PDZRN4: variants seen among roughly 807,000 people sequenced by gnomAD.
The protein encoded by PDZRN4 is PDZ domain-containing RING finger protein 4.
PDZRN4 carries 70 observed loss-of-function variants against 99.0 expected under a neutral mutation model. The ratio of observed to expected loss-of-function variants is 0.71; its 90% CI spans 0.58 to 0.86. PDZRN4 has a LOEUF of 0.86. Ranked by LOEUF, PDZRN4 falls within the 40% of genes least tolerant of loss-of-function variation. PDZRN4 has a pLI of 0.00. For missense variants in PDZRN4, 1,474 were observed against 1,331.2 expected, an observed-to-expected ratio of 1.11 and a Z score of -1.67; for synonymous variants, 551 against 501.6, an observed-to-expected ratio of 1.10 and a Z score of -1.32.
rs150609427 is a variant in PDZRN4, at chr12:41,443,265, C to G, written c.844-63191C>G. Among the ~76,000 whole-genome samples the G allele has an allele frequency of 3.5e-3, 526 of 151,962 alleles. 2 individuals carry two copies. Among genetic ancestry groups the G allele is most frequent in the African/African-American group, 0.012 (495 of 41,460 alleles). ...GCTATGGAAATGCAAAGGTGCTGCT[C>G]AGCATGATGGGAGCTTGGGGAGTGG... On this transcript the variant is annotated intron_variant, in intron 3 of 9. Transcript: ENST00000402685.
intron 3 of PDZRN4, among the ~76,000 whole-genome samples, chr12:41,198,341 T>C (rs1411579369): frequency 6.6e-6 from 1 of 152,000 alleles, no homozygotes; most frequent in Non-Finnish European, 1.5e-5. Context: ...CCCTAACCCC[T>C]GCAGCTCCAG....
chr12:41,409,749 G>A (rs530647325), intron 3 of PDZRN4: 10 of 152,210 alleles, frequency 6.6e-5, no homozygotes, highest in South Asian at 2.1e-4. Flanking sequence ...TCACCTCATC[G>A]CTTTGAAGGT....
chr12:41,235,229 C>A (rs1951058024), intron 3 of PDZRN4, among the ~76,000 whole-genome samples: 7 of 152,018 alleles, frequency 4.6e-5, no homozygotes, highest in Admixed American at 3.9e-4. Context: ...ATCTTGATAG[C>A]AATAGGTATG....
chr12:41,333,438 A>G (rs1226913321), intron 3 of PDZRN4, among the ~76,000 whole-genome samples: 1 of 152,094 alleles, frequency 6.6e-6, no homozygotes, highest in Non-Finnish European at 1.5e-5. Flanking sequence ...TGCTCCATGA[A>G]TGGGGAGAGC....
chr12:41,210,174 A>G (rs906109014), intron 3 of PDZRN4, among the ~76,000 whole-genome samples: 13 of 138,672 alleles, frequency 9.4e-5, no homozygotes, highest in Non-Finnish European at 1.9e-4. Flanking sequence ...CATATCCTTC[A>G]CCCACTTTTT....
At chr12:41,474,297 A>G (rs1237026718) in intron 3 of PDZRN4, among the ~76,000 whole-genome samples, 1 of 152,234 alleles carries the variant, frequency 6.6e-6, no homozygotes, top group African/African-American at 2.4e-5. Context: ...AATGAGATCC[A>G]GAGAGGTTAA....
intron 3 of PDZRN4, among the ~76,000 whole-genome samples, chr12:41,501,590 C>T (rs1261332163): frequency 6.6e-6 from 1 of 152,166 alleles, no homozygotes; most frequent in Non-Finnish European, 1.5e-5. Flanking sequence ...GATTCATTAG[C>T]CCATCTGCCA....
At chr12:41,335,156 A>G (rs1239666990) in intron 3 of PDZRN4, among the ~76,000 whole-genome samples, 3 of 150,278 alleles carry the variant, frequency 2.0e-5, no homozygotes, top group Non-Finnish European at 3.0e-5. Flanking sequence ...AGATTCATTT[A>G]CACATCTAAA....
chr12:41,398,824 C>T (rs1406121929), intron 3 of PDZRN4, among the ~76,000 whole-genome samples: 2 of 152,116 alleles, frequency 1.3e-5, no homozygotes, highest in East Asian at 1.9e-4. Context: ...GTGTCTAATG[C>T]ATACTAGGTG....
chr12:41,406,171 T>C (rs1309084740), intron 3 of PDZRN4, among the ~76,000 whole-genome samples: 3 of 152,174 alleles, frequency 2.0e-5, no homozygotes, highest in African/African-American at 7.2e-5. Flanking sequence ...TTTTGAGTGA[T>C]GATTCTGCCT....
intron 3 of PDZRN4, among the ~76,000 whole-genome samples, chr12:41,435,306 G>A (rs1473647848): frequency 6.6e-6 from 1 of 152,140 alleles, no homozygotes; most frequent in African/African-American, 2.4e-5. Context: ...TTCTTTAAAT[G>A]CAAACTGCAT....
At chr12:41,416,690 C>A (rs1278387479) in intron 3 of PDZRN4, among the ~76,000 whole-genome samples, 1 of 152,010 alleles carries the variant, frequency 6.6e-6, no homozygotes, top group Admixed American at 6.6e-5. Context: ...TTACTTTTCT[C>A]GACATTTATT....
intron 3 of PDZRN4, among the ~76,000 whole-genome samples, chr12:41,253,258 G>A (rs944424103): frequency 3.2e-4 from 48 of 152,224 alleles, no homozygotes; most frequent in East Asian, 1.2e-3. Context: ...TTAATATCCT[G>A]AAATGTTTCT....
intron 5 of PDZRN4, among the ~76,000 whole-genome samples, chr12:41,523,990 G>A (rs934770966): frequency 6.6e-6 from 1 of 152,016 alleles, no homozygotes; most frequent in African/African-American, 2.4e-5. Context: ...CACAACCTAT[G>A]CCATAAACAT....
intron 3 of PDZRN4, among the ~76,000 whole-genome samples, chr12:41,244,745 C>A (rs370820537): frequency 6.1e-5 from 9 of 146,822 alleles, no homozygotes; most frequent in African/African-American, 2.3e-4. Context: ...ACTGCAGTGG[C>A]GCAATCTCGG....
intron 3 of PDZRN4, among the ~76,000 whole-genome samples, chr12:41,389,816 A>C (rs1952196534): frequency 6.6e-6 from 1 of 152,130 alleles, no homozygotes; most frequent in South Asian, 2.1e-4. Context: ...AGTTGGACTC[A>C]CCTGGAAGAG....
intron 3 of PDZRN4, among the ~76,000 whole-genome samples, chr12:41,276,915 T>A (rs1951353360): frequency 1.3e-5 from 2 of 152,176 alleles, no homozygotes; most frequent in African/African-American, 4.8e-5. Context: ...AATAATAATG[T>A]CATGCATAAT....
chr12:41,457,271 G>A (rs556774413), intron 3 of PDZRN4, among the ~76,000 whole-genome samples: 6 of 152,176 alleles, frequency 3.9e-5, no homozygotes, highest in African/African-American at 1.4e-4. Flanking sequence ...GGTGCAATTT[G>A]TATAAACAAA....
At chr12:41,264,563 C>T (rs1457017067) in intron 3 of PDZRN4, among the ~76,000 whole-genome samples, 1 of 152,016 alleles carries the variant, frequency 6.6e-6, no homozygotes, top group African/African-American at 2.4e-5. Context: ...GCATTCTTAC[C>T]AAAAGGAATT....
Sources: gnomAD v4.1 joint callset for allele counts (sites outside exome capture counted in the v4.1 genomes callset) on GRCh38, gnomAD v4.1.1 for gene constraint, MANE v1.5 for transcripts, NCBI Gene and HGNC (gene_info 2026-07-23, HGNC 2026-07-21) for gene names.